The following TRUB1 variants were observed in gnomAD, a reference collection of about 807,000 sequenced individuals.
TRUB1 encodes the protein TruB pseudouridine synthase family member 1.
TRUB1 carries 23 observed loss-of-function variants against 33.9 expected under a neutral mutation model. That is an observed-to-expected ratio of 0.68 (90% CI 0.49 to 0.96). TRUB1 has a LOEUF of 0.96. Ranked by LOEUF, TRUB1 falls within the 40% of genes least tolerant of loss-of-function variation. TRUB1 has a pLI of 0.00. For missense variants in TRUB1, 378 were observed against 422.2 expected, an observed-to-expected ratio of 0.90 and a Z score of 0.92; for synonymous variants, 163 against 165.4, an observed-to-expected ratio of 0.99 and a Z score of 0.11.
chr10:114,950,988 C>T (rs1352105437), intron 2 of TRUB1, 106 bp from the exon 3 acceptor site: 7 of 886,016 alleles, frequency 7.9e-6, no homozygotes, highest in Non-Finnish European at 1.3e-5. Context: ...TGTTCTTTCC[C>T]ACTTCACATT....
intron 3 of TRUB1, among the ~76,000 whole-genome samples, chr10:114,952,552 G>A (rs1592050201): frequency 6.6e-6 from 1 of 152,142 alleles, no homozygotes; most frequent in South Asian, 2.1e-4. Context: ...TTGATTGATC[G>A]ATTGATTTTA....
intron 2 of TRUB1, among the ~76,000 whole-genome samples, chr10:114,945,962 T>C (rs1023456724): frequency 2.6e-5 from 4 of 152,226 alleles, no homozygotes; most frequent in African/African-American, 9.6e-5. Context: ...GTATTAATTT[T>C]TCTTTTAATG....
rs1354548506 is a variant in TRUB1, at chr10:114,959,804, TAC to T, written c.521_522del (p.Tyr174Ter). On this transcript the variant is annotated frameshift_variant and splice_region_variant, in exon 4 of 8. Coordinates refer to ENST00000298746, the MANE Select transcript of TRUB1 (RefSeq NM_139169.5). LOFTEE classifies it high-confidence loss of function. Reference protein sequence around the residue: ...STGRVTEEKPYDKITQEDIEG... With the variant: ...STGRVTEEKPXDKITQEDIEG... ...GGGGAGGGTAACAGAAGAAAAACCT[TAC>T]GGTATGAAGCTCATCTAATGTAGGC... The T allele has an allele frequency of 6.3e-7, 1 of 1,594,846 alleles. No homozygotes were observed. Among genetic ancestry groups the T allele is most frequent in the East Asian group, 2.2e-5 (1 of 44,812 alleles).
In TRUB1 at chr10:114,938,373, AGCCGCGGTGGTTGCG is replaced by A. The variant is rs757047914; in HGVS notation, c.128_142del (p.Val43_Ala47del). 135 of 1,610,640 alleles carry A rather than the reference AGCCGCGGTGGTTGCG, an allele frequency of 8.4e-5. No homozygotes were observed. The highest frequency in any genetic ancestry group is 4.2e-4 in the Admixed American group (25 of 59,010). On this transcript the variant is annotated inframe_deletion, in exon 1 of 8. Coordinates refer to ENST00000298746, the MANE Select transcript of TRUB1 (RefSeq NM_139169.5). ...CTGCGACCCCGTCAGCAAGGGCTGC[AGCCGCGGTGGTTGCG>A]GCCGCGGCCAGGACCGGATCCGAAG...
chr10:114,959,387 T>G (rs2084275715), intron 3 of TRUB1, among the ~76,000 whole-genome samples: 1 of 152,182 alleles, frequency 6.6e-6, no homozygotes, highest in Admixed American at 6.5e-5. Flanking sequence ...TCTCTACTCA[T>G]GGATAGACTT....
rs755027102 is a variant in TRUB1, at chr10:114,975,305, G to A, written c.976G>A (p.Glu326Lys). 25 of 1,613,112 alleles carry A rather than the reference G, an allele frequency of 1.5e-5. No homozygotes were observed. Among genetic ancestry groups the A allele is most frequent in the Admixed American group, 1.2e-4 (7 of 59,910 alleles). ...TAAAAAATCAAAACCTGAGTCTAAT[G>A]AACAGGTTTTGAGCTGTGAATATAT... ...ALKKSKPESN[E>K]QVLSCEYITL... The change falls in exon 8 of 8, where the codon GAA becomes AAA. Residue 326 changes from glutamate (E) to lysine (K), a missense_variant. Coordinates refer to ENST00000298746, the MANE Select transcript of TRUB1 (RefSeq NM_139169.5).
chr10:114,942,638 C>T lies in TRUB1; in HGVS notation c.287-7C>T. On this transcript the variant is annotated splice_region_variant and splice_polypyrimidine_tract_variant and intron_variant, in intron 1 of 7. Coordinates refer to ENST00000298746, the MANE Select transcript of TRUB1 (RefSeq NM_139169.5). ...ATCACCTTTTTTCATCCCCATTTCTCTCATAGAAGCTGGAATGCCTTCTCC... is the reference window on the plus strand; with the variant it reads ...ATCACCTTTTTTCATCCCCATTTCTTTCATAGAAGCTGGAATGCCTTCTCC... 6.2e-7 allele frequency: 1 copy of T among 1,603,956 alleles called. No homozygotes were observed. Among genetic ancestry groups the T allele is most frequent in the Non-Finnish European group, 8.5e-7 (1 of 1,170,950 alleles).
chr10:114,970,286 A>G, intron 4 of TRUB1, 82 bp from the exon 5 acceptor site: 1 of 970,002 alleles, frequency 1.0e-6, no homozygotes, highest in Non-Finnish European at 1.6e-6. Flanking sequence ...TTTTAAATGA[A>G]TTTTCAGGGC....
chr10:114,942,333 A>G (rs150428458), intron 1 of TRUB1, among the ~76,000 whole-genome samples: 4,085 of 152,310 alleles, frequency 0.027, 92 homozygotes, highest in Non-Finnish European at 0.038. Flanking sequence ...CACCACTACC[A>G]AGAATTTACT....
intron 3 of TRUB1, among the ~76,000 whole-genome samples, chr10:114,958,586 C>T (rs56231742): frequency 0.11 from 16,649 of 152,102 alleles, 2,758 homozygotes; most frequent in African/African-American, 0.36. Context: ...TAAAATTGCT[C>T]ACATAAATAC....
Position 114,938,266 on chromosome 10 carries a change from G to A in TRUB1, c.13G>A (p.Glu5Lys), listed in dbSNP as rs2084168325. Residue 5 changes from glutamate to lysine, a missense_variant, in exon 1 of 8, where the codon GAG becomes AAG. Coordinates refer to ENST00000298746, the MANE Select transcript of TRUB1 (RefSeq NM_139169.5). MAAS[E>K]AAVVSSPSLK... ...GGGCTACAAAAGTATGGCCGCTTCT[G>A]AGGCGGCGGTGGTGTCTTCGCCGTC... is the stretch of plus-strand genomic sequence containing the variant. 6.2e-7 allele frequency: 1 copy of A among 1,614,192 alleles called. No homozygotes were observed. Among genetic ancestry groups the A allele is most frequent in the Non-Finnish European group, 8.5e-7 (1 of 1,180,026 alleles).
intron 5 of TRUB1, among the ~76,000 whole-genome samples, chr10:114,971,609 G>C (rs1483449496): frequency 6.6e-6 from 1 of 152,064 alleles, no homozygotes; most frequent in Non-Finnish European, 1.5e-5. Context: ...TATTTTCTGT[G>C]ATTATTGCAA....
At chr10:114,940,780 C>T (rs1211349216) in intron 1 of TRUB1, among the ~76,000 whole-genome samples, 1 of 152,072 alleles carries the variant, frequency 6.6e-6, no homozygotes, top group East Asian at 1.9e-4. Flanking sequence ...GTAAAGAGTT[C>T]CCCAAAAGGT....
intron 2 of TRUB1, among the ~76,000 whole-genome samples, chr10:114,949,015 T>C (rs544753124): frequency 6.6e-6 from 1 of 152,378 alleles, no homozygotes; most frequent in African/African-American, 2.4e-5. Context: ...CCGTTTAGGA[T>C]GCTCCCACCT....
rs141803702 is a variant in TRUB1 at position 114,969,792 on chromosome 10, G to A, written c.524-576G>A. ...AGAGAAGGGGGAGGCTGGGGCGGGG[G>A]GACAGATAAATGCAATTTTACTTGA... On this transcript the variant is annotated intron_variant, in intron 4 of 7. Coordinates refer to ENST00000298746, the MANE Select transcript of TRUB1 (RefSeq NM_139169.5). Among the ~76,000 whole-genome samples, 557 of 149,280 alleles carry A rather than the reference G, an allele frequency of 3.7e-3. 1 individual carries two copies. The highest frequency in any genetic ancestry group is 0.012 in the African/African-American group (506 of 40,514).
intron 3 of TRUB1, among the ~76,000 whole-genome samples, chr10:114,959,290 G>A (rs1198843106): frequency 6.6e-6 from 1 of 152,076 alleles, no homozygotes; most frequent in African/African-American, 2.4e-5. Context: ...GTACTAAGTT[G>A]GCTTATTTAA....
At chr10:114,951,906 A>C (rs888910472) in intron 3 of TRUB1, among the ~76,000 whole-genome samples, 1 of 152,180 alleles carries the variant, frequency 6.6e-6, no homozygotes, top group Non-Finnish European at 1.5e-5. Context: ...TCTTGCTCTA[A>C]ATGTGATATA....
At chr10:114,946,471 A>T (rs1187934185) in intron 2 of TRUB1, among the ~76,000 whole-genome samples, 2 of 151,924 alleles carry the variant, frequency 1.3e-5, no homozygotes, top group Non-Finnish European at 2.9e-5. Context: ...CCTCCTGACT[A>T]GCTGGGATTA....
intron 2 of TRUB1, among the ~76,000 whole-genome samples, chr10:114,948,467 T>C (rs768831023): frequency 1.3e-5 from 2 of 152,240 alleles, no homozygotes; most frequent in Non-Finnish European, 2.9e-5. Flanking sequence ...TATTTATTTC[T>C]GTACCTACAC....
Sources: allele counts gnomAD v4.1 joint callset (sites outside exome capture counted in the v4.1 genomes callset), GRCh38; gene constraint gnomAD v4.1.1; transcripts MANE v1.5; gene names NCBI Gene and HGNC (gene_info 2026-07-23, HGNC 2026-07-21).